UNC5C: variants seen among roughly 807,000 people sequenced by gnomAD.
The protein encoded by UNC5C is netrin receptor UNC5C.
Under a neutral mutation model 99.8 loss-of-function variants are expected in UNC5C, and 47 were observed. The ratio of observed to expected loss-of-function variants is 0.47; its 90% confidence interval spans 0.37 to 0.60. UNC5C has a LOEUF of 0.60. UNC5C is among the 20% of genes least tolerant of loss of function. UNC5C has a pLI of 0.00. For synonymous variants in UNC5C, 487 were observed against 452.2 expected (o/e 1.08, Z -0.98); for missense variants, 1,062 against 1,165.9 (o/e 0.91, Z 1.30).
chr4:95,414,704 A>G (rs1383856177), intron 1 of UNC5C, among the ~76,000 whole-genome samples: 1 of 152,192 alleles, frequency 6.6e-6, no homozygotes, highest in Non-Finnish European at 1.5e-5. Flanking sequence ...ATTCTCCTCT[A>G]TATGAGGATA....
At chr4:95,470,361 T>TA (rs1747929214) in intron 1 of UNC5C, among the ~76,000 whole-genome samples, 1 of 152,140 alleles carries the variant, frequency 6.6e-6, no homozygotes. Context: ...AAATGTATTT[T>TA]AAAAAGAAGA....
chr4:95,484,998 G>T (rs1444995722), intron 1 of UNC5C, among the ~76,000 whole-genome samples: 1 of 151,766 alleles, frequency 6.6e-6, no homozygotes, highest in Non-Finnish European at 1.5e-5. Context: ...ATCTATCCAA[G>T]CATATATAAA....
intron 7 of UNC5C, among the ~76,000 whole-genome samples, chr4:95,220,546 A>G (rs1296231467): frequency 6.6e-6 from 1 of 152,238 alleles, no homozygotes; most frequent in Non-Finnish European, 1.5e-5. Context: ...TAGTTCTTTA[A>G]AAACATAAAC....
rs572070462 is a variant in UNC5C at position 95,215,760 on chromosome 4, G to T, written c.1733+364C>A. Among the ~76,000 whole-genome samples the T allele has an allele frequency of 1.5e-4, 23 of 152,300 alleles. 1 individual carries two copies. The highest frequency in any genetic ancestry group is 5.5e-4 in the African/African-American group (23 of 41,572). On this transcript the variant is annotated intron_variant, in intron 10 of 15. Coordinates refer to ENST00000453304, the MANE Select transcript of UNC5C (RefSeq NM_003728.4). ...CCAATCCTTTGTGACCTTTGACTCT[G>T]TAATGGGAACAGGCTGGATTCCTGA... is the stretch of plus-strand genomic sequence containing the variant.
At chr4:95,269,829 C>T (rs758114319) in intron 4 of UNC5C, among the ~76,000 whole-genome samples, 1 of 152,038 alleles carries the variant, frequency 6.6e-6, no homozygotes, top group Non-Finnish European at 1.5e-5. Context: ...TCTCCTGCCT[C>T]AGCCTCCCAA....
At chr4:95,433,249 C>A (rs2149460930) in intron 1 of UNC5C, among the ~76,000 whole-genome samples, 1 of 152,122 alleles carries the variant, frequency 6.6e-6, no homozygotes, top group East Asian at 1.9e-4. Flanking sequence ...AAAATGATTT[C>A]TTTAAAGTGA....
At chr4:95,425,678 A>G (rs1235663587) in intron 1 of UNC5C, among the ~76,000 whole-genome samples, 2 of 152,238 alleles carry the variant, frequency 1.3e-5, no homozygotes, top group African/African-American at 2.4e-5. Flanking sequence ...ATTACTTTAT[A>G]TACCTTTCTG....
At chr4:95,368,858 AT>A (rs1019856152) in intron 1 of UNC5C, among the ~76,000 whole-genome samples, 1 of 152,068 alleles carries the variant, frequency 6.6e-6, no homozygotes, top group Admixed American at 6.6e-5. Flanking sequence ...TATATTTTAC[AT>A]TTTTTTCCTT....
chr4:95,403,097 C>T (rs1430418268), intron 1 of UNC5C, among the ~76,000 whole-genome samples: 2 of 151,678 alleles, frequency 1.3e-5, no homozygotes, highest in African/African-American at 2.4e-5. Context: ...ACACGTGGGC[C>T]AGTAATTACT....
intron 14 of UNC5C, among the ~76,000 whole-genome samples, chr4:95,172,508 A>G (rs551903834): frequency 6.6e-6 from 1 of 152,254 alleles, no homozygotes; most frequent in South Asian, 2.1e-4. Flanking sequence ...TCATTTCCCC[A>G]TTGCTTGTTT....
intron 1 of UNC5C, among the ~76,000 whole-genome samples, chr4:95,358,948 A>G (rs1319463285): frequency 1.3e-5 from 2 of 152,212 alleles, no homozygotes; most frequent in East Asian, 1.9e-4. Context: ...CTGCAGATAA[A>G]TAAAAAGTTC....
At chr4:95,279,455 G>T (rs1318766833) in intron 3 of UNC5C, among the ~76,000 whole-genome samples, 2 of 152,138 alleles carry the variant, frequency 1.3e-5, no homozygotes, top group Admixed American at 6.5e-5. Context: ...CAAGAGATAG[G>T]TTTAACTAAA....
intron 1 of UNC5C, among the ~76,000 whole-genome samples, chr4:95,421,978 C>G (rs1389681346): frequency 6.6e-6 from 1 of 152,172 alleles, no homozygotes; most frequent in Non-Finnish European, 1.5e-5. Flanking sequence ...TTTATTTGCA[C>G]TAGCAAAAGA....
chr4:95,225,544 A>G (rs1342026911), intron 7 of UNC5C, among the ~76,000 whole-genome samples: 1 of 152,206 alleles, frequency 6.6e-6, no homozygotes, highest in Non-Finnish European at 1.5e-5. Flanking sequence ...AATATAACTG[A>G]TGAAGTGTTT....
rs538546421 is a variant in UNC5C, at chr4:95,325,245, G to A, written c.346+10165C>T. The stretch of plus-strand genomic sequence containing the variant: ...AAGGGAAACCATTATATATTTTTAA[G>A]AGGGGGAATGACAACCACTTGGAAA... On this transcript the variant is annotated intron_variant, in intron 2 of 15. Transcript: ENST00000453304. 9.1e-4 allele frequency among the ~76,000 whole-genome samples: 139 copies of A among 152,300 alleles called. 1 individual carries two copies. The highest frequency in any genetic ancestry group is 3.2e-3 in the African/African-American group (133 of 41,550).
At position 95,531,546 on chromosome 4, in the gene UNC5C, G is replaced by A. The variant is rs190742112; in HGVS notation, c.124+17188C>T. Among the ~76,000 whole-genome samples, 374 of 152,270 alleles carry A rather than the reference G, an allele frequency of 2.5e-3. 5 individuals carry two copies. Among genetic ancestry groups the A allele is most frequent in the African/African-American group, 7.5e-3 (313 of 41,566 alleles). On this transcript the variant is annotated intron_variant, in intron 1 of 15. Coordinates refer to ENST00000453304, the MANE Select transcript of UNC5C (RefSeq NM_003728.4). ...TTTTGGTTACCTTAAAAGTGCTTAT[G>A]AGAATATTTTATTCAATAACACCTT...
chr4:95,302,556 G>T (rs1016661043), intron 2 of UNC5C, among the ~76,000 whole-genome samples: 1 of 152,150 alleles, frequency 6.6e-6, no homozygotes, highest in East Asian at 1.9e-4. Flanking sequence ...AGCAAGAGGG[G>T]TTATCTGAAC....
chr4:95,176,975 G>A (rs141216016), intron 14 of UNC5C, among the ~76,000 whole-genome samples: 60 of 151,832 alleles, frequency 4.0e-4, no homozygotes, highest in Admixed American at 1.4e-3. Flanking sequence ...TGGGAAAAGC[G>A]CAGTACTTGG....
chr4:95,423,847 G>A (rs748360235), intron 1 of UNC5C, among the ~76,000 whole-genome samples: 2 of 152,118 alleles, frequency 1.3e-5, no homozygotes, highest in East Asian at 1.9e-4. Context: ...TGGGGTAAAC[G>A]TTCTCGAACA....
Sources: gnomAD v4.1 joint callset for allele counts (sites outside exome capture counted in the v4.1 genomes callset) on GRCh38, gnomAD v4.1.1 for gene constraint, MANE v1.5 for transcripts, NCBI Gene and HGNC (gene_info 2026-07-23, HGNC 2026-07-21) for gene names.